The following PRMT3 variants were observed in gnomAD, a reference collection of about 807,000 sequenced individuals.
PRMT3 encodes the protein protein arginine N-methyltransferase 3.
In PRMT3, 62 loss-of-function variants were observed where a neutral mutation model predicts 71.9. The ratio of observed to expected loss-of-function variants is 0.86; its 90% CI spans 0.70 to 1.07. PRMT3 has a LOEUF of 1.07. Ranked by LOEUF, PRMT3 falls within the 50% of genes least tolerant of loss-of-function variation. The probability of loss-of-function intolerance (pLI) is 0.00; values close to 1 mark genes in which losing one functional copy is unlikely to be tolerated. For synonymous variants in PRMT3, 213 were observed against 220.4 expected (o/e 0.97, Z 0.30); for missense variants, 663 against 643.0 (o/e 1.03, Z -0.34).
intron 11 of PRMT3, among the ~76,000 whole-genome samples, chr11:20,453,907 T>G (rs1850210630): frequency 6.6e-6 from 1 of 152,168 alleles, no homozygotes; most frequent in African/African-American, 2.4e-5. Context: ...AGCATTTCCT[T>G]TGGGTTCATG....
intron 9 of PRMT3, among the ~76,000 whole-genome samples, chr11:20,418,855 T>G (rs1053088529): frequency 7.2e-5 from 11 of 152,276 alleles, no homozygotes; most frequent in Middle Eastern, 3.4e-3. Flanking sequence ...TTAATATGCA[T>G]AAGTATCCAT....
At chr11:20,411,226 T>G (rs1175788886) in intron 9 of PRMT3, among the ~76,000 whole-genome samples, 2 of 152,076 alleles carry the variant, frequency 1.3e-5, no homozygotes, top group Admixed American at 1.3e-4. Flanking sequence ...GACATGTGAC[T>G]TATTTGGATA....
intron 5 of PRMT3, among the ~76,000 whole-genome samples, chr11:20,393,290 AC>A (rs1848756831): frequency 6.6e-6 from 1 of 152,188 alleles, no homozygotes; most frequent in African/African-American, 2.4e-5. Context: ...TACTAAAAAT[AC>A]AAAAAATTAG....
chr11:20,485,134 ACTACAG>A (rs527736089), intron 13 of PRMT3, among the ~76,000 whole-genome samples: 40 of 152,260 alleles, frequency 2.6e-4, no homozygotes, highest in African/African-American at 9.4e-4. Context: ...ACTTGCATGG[ACTACAG>A]CACAGCTTCA....
chr11:20,476,101 G>C (rs887137899), intron 13 of PRMT3, among the ~76,000 whole-genome samples: 1 of 152,012 alleles, frequency 6.6e-6, no homozygotes. Context: ...TGTAATTCTA[G>C]CACTTTGGGA....
chr11:20,488,364 A>G (rs1229009747), intron 13 of PRMT3, among the ~76,000 whole-genome samples: 1 of 152,008 alleles, frequency 6.6e-6, no homozygotes, highest in Non-Finnish European at 1.5e-5. Flanking sequence ...TTTTTATGGC[A>G]TTGTCTGCTT....
At chr11:20,409,097 C>A in intron 9 of PRMT3, among the ~76,000 whole-genome samples, 1 of 151,456 alleles carries the variant, frequency 6.6e-6, no homozygotes, top group East Asian at 1.9e-4. Flanking sequence ...ACACTTTCTC[C>A]AAAAAAAATT....
intron 6 of PRMT3, among the ~76,000 whole-genome samples, chr11:20,397,086 A>G (rs1280296121): frequency 6.6e-6 from 1 of 152,132 alleles, no homozygotes; most frequent in Non-Finnish European, 1.5e-5. Flanking sequence ...GATTCCTAAT[A>G]TGTCATGATC....
At chr11:20,470,796 C>G (rs1850624774) in intron 13 of PRMT3, among the ~76,000 whole-genome samples, 2 of 152,116 alleles carry the variant, frequency 1.3e-5, no homozygotes, top group Admixed American at 1.3e-4. Flanking sequence ...AGTTCTGCCT[C>G]TAGGTCTTTG....
chr11:20,500,865 A>G (rs970344844), intron 15 of PRMT3, among the ~76,000 whole-genome samples: 1 of 152,328 alleles, frequency 6.6e-6, no homozygotes, highest in East Asian at 1.9e-4. Flanking sequence ...GTAACACCGT[A>G]AAGTTAGTTT....
intron 10 of PRMT3, among the ~76,000 whole-genome samples, chr11:20,451,791 T>C (rs1240406732): frequency 2.0e-5 from 3 of 152,138 alleles, no homozygotes; most frequent in Non-Finnish European, 2.9e-5. Flanking sequence ...CTGCTCTAGA[T>C]GGATATTGCA....
intron 7 of PRMT3, 21 bp downstream of exon 7, chr11:20,397,742 C>G (rs576827668): frequency 1.9e-6 from 3 of 1,610,480 alleles, no homozygotes; most frequent in Admixed American, 1.7e-5. Context: ...AACACAAATG[C>G]GTCAAATCCA....
chr11:20,424,206 T>TA (rs1849492224), intron 9 of PRMT3, among the ~76,000 whole-genome samples: 2 of 147,766 alleles, frequency 1.4e-5, no homozygotes, highest in Non-Finnish European at 3.0e-5. Context: ...AAAAAATTGA[T>TA]ATGGGAGTGC....
rs116274327 is a variant in PRMT3, at chr11:20,429,753, G to C, written c.993+2888G>C. On this transcript the variant is annotated intron_variant, in intron 10 of 15. Transcript: ENST00000331079. ...AACTGTTTTAAGTGCTCTAGGTGGG[G>C]CATTGGACACTAAACTTACAGCAGT... 1.7e-3 allele frequency among the ~76,000 whole-genome samples: 253 copies of C among 152,312 alleles called. 1 individual carries two copies. The highest frequency in any genetic ancestry group is 6.8e-3 in the Middle Eastern group (2 of 294).
chr11:20,404,475 G>T (rs1432414219), intron 8 of PRMT3, among the ~76,000 whole-genome samples: 1 of 151,468 alleles, frequency 6.6e-6, no homozygotes, highest in Non-Finnish European at 1.5e-5. Context: ...CTTGTGATCC[G>T]CCCGCCTCGG....
chr11:20,480,588 GGCTA>G (rs775017017), intron 13 of PRMT3, among the ~76,000 whole-genome samples: 2 of 152,106 alleles, frequency 1.3e-5, no homozygotes, highest in South Asian at 4.1e-4. Flanking sequence ...GAAAGATTGT[GGCTA>G]GAATATGGAG....
intron 15 of PRMT3, among the ~76,000 whole-genome samples, chr11:20,504,705 T>TGA (rs1376738536): frequency 6.4e-5 from 7 of 109,396 alleles, no homozygotes; most frequent in East Asian, 2.7e-4. Context: ...TGTGTGTGTG[T>TGA]GTGAGAGAGA....
At chr11:20,458,358 A>G (rs949811150) in intron 11 of PRMT3, among the ~76,000 whole-genome samples, 3 of 152,104 alleles carry the variant, frequency 2.0e-5, no homozygotes, top group African/African-American at 7.2e-5. Context: ...TTTCTAAGGG[A>G]TAAAGGATTT....
At chr11:20,411,380 CAT>C (rs1849189015) in intron 9 of PRMT3, among the ~76,000 whole-genome samples, 1 of 152,074 alleles carries the variant, frequency 6.6e-6, no homozygotes, top group South Asian at 2.1e-4. Flanking sequence ...GTAGGAAGTA[CAT>C]ATGTCAAACT....
Sources: allele counts gnomAD v4.1 joint callset (sites outside exome capture counted in the v4.1 genomes callset), GRCh38; gene constraint gnomAD v4.1.1; transcripts MANE v1.5; gene names NCBI Gene and HGNC (gene_info 2026-07-23, HGNC 2026-07-21).